Variants in CSMD1 observed in about 807,000 individuals in gnomAD.
The protein encoded by CSMD1 is CUB and Sushi multiple domains 1, also known as CUB and sushi domain-containing protein 1.
In CSMD1, 213 loss-of-function variants were observed where a neutral mutation model predicts 417.5. That is an observed-to-expected ratio of 0.51 (90% CI 0.46 to 0.57). CSMD1 has a LOEUF of 0.57. CSMD1 is among the 20% of genes least tolerant of loss of function. The pLI, the probability that CSMD1 is intolerant of heterozygous loss-of-function variation, is 0.00. For missense variants in CSMD1, 6,923 were observed against 4,529.7 expected (o/e 1.53, Z -15.17); for synonymous variants, 2,862 against 1,736.8 (o/e 1.65, Z -16.11).
intron 1 of CSMD1, among the ~76,000 whole-genome samples, chr8:4,810,895 G>C (rs1391217894): frequency 6.6e-6 from 1 of 152,126 alleles, no homozygotes; most frequent in Non-Finnish European, 1.5e-5. Flanking sequence ...GTCTGAATCA[G>C]ATAAAATTAA....
At chr8:4,249,676 C>G (rs1802933542) in intron 3 of CSMD1, among the ~76,000 whole-genome samples, 1 of 152,180 alleles carries the variant, frequency 6.6e-6, no homozygotes, top group African/African-American at 2.4e-5. Context: ...GCTCTCTTCT[C>G]CTACCGCTGT....
intron 1 of CSMD1, among the ~76,000 whole-genome samples, chr8:4,841,930 A>AACAAAACAAAAAACAAAAC (rs1554499186): frequency 8.2e-6 from 1 of 122,426 alleles, no homozygotes; most frequent in African/African-American, 3.3e-5. Context: ...AAAAAAAAAA[A>AACAAAACAAAAAACAAAAC]AAAAAAAAGT....
chr8:3,567,337 G>T (rs960307348), intron 10 of CSMD1, among the ~76,000 whole-genome samples: 1 of 151,804 alleles, frequency 6.6e-6, no homozygotes, highest in Non-Finnish European at 1.5e-5. Context: ...TAATACCTGG[G>T]TGATGAATCT....
Position 4,263,494 on chromosome 8 carries a change from C to T in CSMD1, c.415+156459G>A, listed in dbSNP as rs115882693. On this transcript the variant is annotated intron_variant, in intron 3 of 69. Transcript: ENST00000635120. ...CCAAACTAGTCCAAATCCTGAAGCT[C>T]TGTCTGTGGCAGTTAATTTACTTCT... 9.6e-3 allele frequency among the ~76,000 whole-genome samples: 1,458 copies of T among 152,298 alleles called. 20 individuals carry two copies. Among genetic ancestry groups the T allele is most frequent in the African/African-American group, 0.033 (1,383 of 41,558 alleles).
Position 3,753,961 on chromosome 8 carries a change from G to T in CSMD1, c.900C>A (p.His300Gln), listed in dbSNP as rs757657518. 1 of 1,612,926 alleles carries T rather than the reference G, an allele frequency of 6.2e-7. No homozygotes were observed. Among genetic ancestry groups the T allele is most frequent in the Non-Finnish European group, 8.5e-7 (1 of 1,179,216 alleles). Residue 300 changes from histidine (H) to glutamine (Q), a missense_variant, in exon 6 of 70, where the codon CAC (histidine) becomes CAA (glutamine). Coordinates refer to ENST00000635120, the MANE Select transcript of CSMD1 (RefSeq NM_033225.6). ...LRLHFTSDSN[H>Q]RRKGFNAQFQ... ...ACTGAGCGTTAAATCCTTTGCGTCG[G>T]TGGTTGCTGTCAGAGGTGAAATGGA...
At chr8:4,969,583 T>C (rs1810108685) in intron 1 of CSMD1, among the ~76,000 whole-genome samples, 1 of 151,946 alleles carries the variant, frequency 6.6e-6, no homozygotes, top group African/African-American at 2.4e-5. Flanking sequence ...GTTCTATTTT[T>C]ATCTCAAAAA....
intron 3 of CSMD1, among the ~76,000 whole-genome samples, chr8:4,071,045 C>G (rs150549664): frequency 2.4e-4 from 37 of 152,238 alleles, no homozygotes; most frequent in African/African-American, 8.4e-4. Context: ...TCTTTTGAAG[C>G]AGTTTGGCTG....
chr8:4,902,660 C>G (rs1471043027), intron 1 of CSMD1, among the ~76,000 whole-genome samples: 1 of 152,034 alleles, frequency 6.6e-6, no homozygotes, highest in Non-Finnish European at 1.5e-5. Flanking sequence ...ATGGCATATA[C>G]TTTAATCATT....
rs370912795 is a variant in CSMD1, at chr8:3,796,246, A to C, written c.819-42204T>G. ...ATATATCTATCATAGATATAGATAT[A>C]TATCTATCATGTATAGATATAGATA... On this transcript the variant is annotated intron_variant, in intron 5 of 69. Coordinates refer to ENST00000635120, the MANE Select transcript of CSMD1 (RefSeq NM_033225.6). 1.3e-4 allele frequency among the ~76,000 whole-genome samples: 4 copies of C among 29,788 alleles called. 2 individuals are homozygous for C. The highest frequency in any genetic ancestry group is 3.3e-4 in the Non-Finnish European group (4 of 12,196). 19.5% of individuals were successfully genotyped at this position (29,788 alleles called of 152,430 possible).
chr8:3,527,979 C>A (rs184539945), intron 10 of CSMD1, among the ~76,000 whole-genome samples: 2 of 152,266 alleles, frequency 1.3e-5, no homozygotes, highest in African/African-American at 2.4e-5. Flanking sequence ...GCCCACCACA[C>A]GCCAGTCGTA....
chr8:3,060,648 C>G (rs10095507), intron 49 of CSMD1, among the ~76,000 whole-genome samples: 22,659 of 152,132 alleles, frequency 0.15, 2,053 homozygotes, highest in African/African-American at 0.26. Flanking sequence ...TCAACTTGTG[C>G]TATGGAAACA....
chr8:4,280,336 T>G (rs2128858931), intron 3 of CSMD1, among the ~76,000 whole-genome samples: 1 of 152,320 alleles, frequency 6.6e-6, no homozygotes, highest in South Asian at 2.1e-4. Flanking sequence ...TACCACGTTC[T>G]GAAAAAATAA....
Position 3,894,841 on chromosome 8 carries a change from G to C in CSMD1, c.818+103062C>G, listed in dbSNP as rs1009787209. Reference sequence around the variant, plus strand: ...AATTCACTGACAAGGGTTTGCTCTGGCTCTATTCTAAAGGAACATTATTTT... The same window carrying C: ...AATTCACTGACAAGGGTTTGCTCTGCCTCTATTCTAAAGGAACATTATTTT... On this transcript the variant is annotated intron_variant, in intron 5 of 69. Coordinates refer to ENST00000635120, the MANE Select transcript of CSMD1 (RefSeq NM_033225.6). Among the ~76,000 whole-genome samples, 6 of 152,242 alleles carry C rather than the reference G, an allele frequency of 3.9e-5. 1 individual carries two copies. The highest frequency in any genetic ancestry group is 1.3e-4 in the Admixed American group (2 of 15,290).
intron 25 of CSMD1, among the ~76,000 whole-genome samples, chr8:3,285,301 T>A (rs944110556): frequency 1.3e-5 from 2 of 152,178 alleles, no homozygotes; most frequent in African/African-American, 4.8e-5. Flanking sequence ...ATTTTTAAAA[T>A]AATCAAGATA....
chr8:4,059,277 G>C (rs978829065), intron 3 of CSMD1, among the ~76,000 whole-genome samples: 9 of 151,942 alleles, frequency 5.9e-5, no homozygotes, highest in African/African-American at 2.2e-4. Context: ...AGAATCTCTG[G>C]GACACATTCA....
intron 1 of CSMD1, among the ~76,000 whole-genome samples, chr8:4,724,126 C>T (rs1323102047): frequency 6.6e-6 from 1 of 152,138 alleles, no homozygotes; most frequent in East Asian, 1.9e-4. Context: ...TGTAAGACAA[C>T]TAGACCTCCT....
rs535524202 is a variant in CSMD1 at position 3,400,390 on chromosome 8, T to G, written c.2267-861A>C. On this transcript the variant is annotated intron_variant, in intron 15 of 69. Coordinates refer to ENST00000635120, the MANE Select transcript of CSMD1 (RefSeq NM_033225.6). ...GAAAAAATCCTTTTGGAAAAAATAT[T>G]TATTTTATTTAAAAATGGCCATATG... 3.6e-3 allele frequency among the ~76,000 whole-genome samples: 546 copies of G among 152,236 alleles called. 3 individuals are homozygous for G. Among genetic ancestry groups the G allele is most frequent in the African/African-American group, 0.013 (531 of 41,556 alleles).
intron 1 of CSMD1, among the ~76,000 whole-genome samples, chr8:4,902,053 G>A (rs1037371216): frequency 6.6e-6 from 1 of 152,132 alleles, no homozygotes; most frequent in Non-Finnish European, 1.5e-5. Flanking sequence ...TGGCTATATG[G>A]ACTTACATTA....
At chr8:4,554,788 G>A (rs1798016731) in intron 2 of CSMD1, among the ~76,000 whole-genome samples, 1 of 152,214 alleles carries the variant, frequency 6.6e-6, no homozygotes, top group African/African-American at 2.4e-5. Context: ...CCATGAGCCA[G>A]CAGCGTCCGT....
Sources: gnomAD v4.1 joint callset for allele counts (sites outside exome capture counted in the v4.1 genomes callset) on GRCh38, gnomAD v4.1.1 for gene constraint, MANE v1.5 for transcripts, NCBI Gene and HGNC (gene_info 2026-07-23, HGNC 2026-07-21) for gene names.